The following CFH variants were observed in gnomAD, a reference collection of about 807,000 sequenced individuals.
CFH encodes the protein H factor 1 (complement).
Under a neutral mutation model 147.3 loss-of-function variants are expected in CFH, and 53 were observed. That is an observed-to-expected ratio of 0.36 (90% CI 0.29 to 0.45). The LOEUF (loss-of-function observed/expected upper bound fraction) is 0.45, where lower values mean the gene tolerates loss of function less well. Ranked by LOEUF, CFH falls within the 20% of genes least tolerant of loss-of-function variation. The pLI is 1.00. For missense variants in CFH, 1,380 were observed against 1,498.0 expected (o/e 0.92, Z 1.30); for synonymous variants, 536 against 489.4 (o/e 1.10, Z -1.26).
At chr1:196,744,697 G>C (rs1258547402) in intron 20 of CFH, among the ~76,000 whole-genome samples, 1 of 152,104 alleles carries the variant, frequency 6.6e-6, no homozygotes, top group African/African-American at 2.4e-5. Context: ...AAACTCACTT[G>C]CTTCAAATAT....
At chr1:196,671,334 G>A (rs895429665) in intron 1 of CFH, among the ~76,000 whole-genome samples, 1 of 150,958 alleles carries the variant, frequency 6.6e-6, no homozygotes, top group Non-Finnish European at 1.5e-5. Flanking sequence ...TTGCTTTTTT[G>A]TGTATCTTTT....
chr1:196,655,901 A>G (rs1228001175), intron 1 of CFH, among the ~76,000 whole-genome samples: 1 of 152,244 alleles, frequency 6.6e-6, no homozygotes, highest in Non-Finnish European at 1.5e-5. Flanking sequence ...ATGAAACAAT[A>G]AAAAGGAAAG....
intron 15 of CFH, 37 bp from the exon 16 acceptor site, chr1:196,736,787 T>G (rs1669414113): frequency 9.8e-7 from 1 of 1,023,752 alleles, no homozygotes; most frequent in Non-Finnish European, 1.3e-6. Flanking sequence ...TTTTTATTTT[T>G]TATTATAACA....
chr1:196,743,419 C>G (rs1317450181), intron 19 of CFH, 33 bp from the exon 20 acceptor site: 1 of 1,613,308 alleles, frequency 6.2e-7, no homozygotes, highest in Non-Finnish European at 8.5e-7. Context: ...AAAATGAACA[C>G]TAGGTGGAAC....
At chr1:196,664,688 A>T (rs1667018917) in intron 1 of CFH, among the ~76,000 whole-genome samples, 1 of 152,168 alleles carries the variant, frequency 6.6e-6, no homozygotes, top group African/African-American at 2.4e-5. Flanking sequence ...TTACTATTAT[A>T]AATTTTATGC....
intron 3 of CFH, among the ~76,000 whole-genome samples, chr1:196,675,563 T>C (rs898530049): frequency 3.3e-5 from 5 of 152,134 alleles, no homozygotes; most frequent in African/African-American, 1.2e-4. Flanking sequence ...TTTTTAGCTT[T>C]TGTTTTGGTG....
Position 196,732,603 on chromosome 1 carries a change from G to A in CFH, c.2413+4081G>A, listed in dbSNP as rs187553117. On this transcript the variant is annotated intron_variant, in intron 15 of 21. Transcript: ENST00000367429. ...GGCCTTTCTCAGTCTTATCAGACTG[G>A]CTTCATATAGGAGAAAGACCTCACT... 4.4e-3 allele frequency among the ~76,000 whole-genome samples: 675 copies of A among 152,002 alleles called. 11 individuals carry two copies. In the South Asian group the frequency reaches 0.046, roughly 10 times the overall value.
chr1:196,652,146 T>C lies in CFH; in HGVS notation c.29T>C (p.Leu10Pro). 1 of 1,612,236 alleles carries C rather than the reference T, an allele frequency of 6.2e-7. No homozygotes were observed. Among genetic ancestry groups the C allele is most frequent in the East Asian group, 2.2e-5 (1 of 44,832 alleles). Residue 10 changes from leucine (L) to proline (P), a missense_variant, in exon 1 of 22, where the codon CTT becomes CCT. Coordinates refer to ENST00000367429, the MANE Select transcript of CFH (RefSeq NM_000186.4). ...AGACTTCTAGCAAAGATTATTTGCC[T>C]TATGTTATGGGCTATTTGTGTAGCA... MRLLAKIIC[L>P]MLWAICVAED...
chr1:196,742,482 C>T (rs990526711), intron 19 of CFH, among the ~76,000 whole-genome samples: 1 of 152,072 alleles, frequency 6.6e-6, no homozygotes, highest in Non-Finnish European at 1.5e-5. Context: ...TTAAAATGGA[C>T]ATAAATTAAG....
intron 3 of CFH, among the ~76,000 whole-genome samples, chr1:196,674,293 A>T (rs1194614492): frequency 6.6e-6 from 1 of 152,188 alleles, no homozygotes; most frequent in African/African-American, 2.4e-5. Context: ...ATGTGTCAGG[A>T]ACAATAGGAA....
chr1:196,674,890 C>T (rs1667403470), intron 3 of CFH, among the ~76,000 whole-genome samples: 1 of 152,154 alleles, frequency 6.6e-6, no homozygotes, highest in Non-Finnish European at 1.5e-5. Context: ...ATAAGACACA[C>T]ATCTGCAGCC....
At position 196,713,795 on chromosome 1, in the gene CFH, C is replaced by T. The variant is rs1476126618; in HGVS notation, c.1397C>T (p.Thr466Ile). ...GGGTTTATTTCTGAATCTCAGTATACATATGCCTTAAAAGAAAAAGCGAAA... is the reference window on the plus strand; with the variant it reads ...GGGTTTATTTCTGAATCTCAGTATATATATGCCTTAAAAGAAAAAGCGAAA... Reference protein sequence around the residue: ...ENGFISESQYTYALKEKAKYQ... With the variant: ...ENGFISESQYIYALKEKAKYQ... Residue 466 changes from threonine to isoleucine, a missense_variant, in exon 10 of 22, where the codon ACA becomes ATA. Around this residue, in one of 4 missense-constraint regions of CFH, gnomAD observed 830 missense variants for 821.4 expected, o/e 1.01. Coordinates refer to ENST00000367429, the MANE Select transcript of CFH (RefSeq NM_000186.4). 1 of 1,605,270 alleles carries T rather than the reference C, an allele frequency of 6.2e-7. No individual in the cohort carries two copies. Among genetic ancestry groups the T allele is most frequent in the Admixed American group, 1.7e-5 (1 of 59,818 alleles).
In CFH at chr1:196,690,242, A is replaced by T; in HGVS notation, c.1336+3A>T. 1 of 1,613,156 alleles carries T rather than the reference A, an allele frequency of 6.2e-7. No homozygotes were observed. On this transcript the variant is annotated splice_donor_region_variant and intron_variant, in intron 9 of 21. Transcript: ENST00000367429. ...TACTCCCAGATGCATCCGTGTCAGTAAGTACACTACTCTGAAATCCTAGCA... is the reference window on the plus strand; with the variant it reads ...TACTCCCAGATGCATCCGTGTCAGTTAGTACACTACTCTGAAATCCTAGCA...
At chr1:196,664,545 A>G (rs930273131) in intron 1 of CFH, among the ~76,000 whole-genome samples, 11 of 152,226 alleles carry the variant, frequency 7.2e-5, no homozygotes, top group African/African-American at 2.7e-4. Context: ...ATATAACTAT[A>G]TGAGCATAGC....
chr1:196,688,762 C>A (rs1388615424), intron 7 of CFH, among the ~76,000 whole-genome samples: 2 of 152,058 alleles, frequency 1.3e-5, no homozygotes, highest in East Asian at 3.9e-4. Context: ...AGGGGCGCAC[C>A]ACCAGGCCCG....
rs779202216 is a variant in CFH, at chr1:196,690,248, A to G, written c.1336+9A>G. The G allele has an allele frequency of 1.9e-6, 3 of 1,612,850 alleles. No individual in the cohort carries two copies. Among genetic ancestry groups the G allele is most frequent in the Non-Finnish European group, 2.5e-6 (3 of 1,179,272 alleles). On this transcript the variant is annotated intron_variant, in intron 9 of 21. Transcript: ENST00000367429. ...CAGATGCATCCGTGTCAGTAAGTAC[A>G]CTACTCTGAAATCCTAGCATGTTCA...
chr1:196,677,966 G>A (rs1424437104), intron 5 of CFH: 2 of 376,530 alleles, frequency 5.3e-6, no homozygotes, highest in Non-Finnish European at 5.1e-6. Flanking sequence ...GGATTTAAAT[G>A]TAGGTTATCT....
intron 9 of CFH, among the ~76,000 whole-genome samples, chr1:196,700,157 T>G (rs1415028955): frequency 6.6e-6 from 1 of 152,118 alleles, no homozygotes; most frequent in African/African-American, 2.4e-5. Flanking sequence ...CCGAATCAAT[T>G]GATGACCTCA....
rs1667315040 is a variant in CFH at position 196,672,452 on chromosome 1, T to G, written c.59-526T>G. On this transcript the variant is annotated intron_variant, in intron 1 of 21. Transcript: ENST00000367429. ...TTCTATCTTATTTGGAGTGCCTGTA[T>G]AATTCTGTATTAACTTATCATGCTA... 2.6e-5 allele frequency among the ~76,000 whole-genome samples: 4 copies of G among 152,242 alleles called. No individual in the cohort carries two copies. In the South Asian group the frequency reaches 8.3e-4, roughly 31 times the overall value.
Sources: allele counts gnomAD v4.1 joint callset (sites outside exome capture counted in the v4.1 genomes callset), GRCh38; gene constraint gnomAD v4.1.1; regional missense constraint gnomAD v4.1.1; transcripts MANE v1.5; gene names NCBI Gene and HGNC (gene_info 2026-07-23, HGNC 2026-07-21).